Variants in ATG10 observed in about 807,000 individuals in gnomAD.
ATG10 encodes autophagy related 10, also known as ubiquitin-like-conjugating enzyme ATG10.
A neutral mutation model predicts 32.1 loss-of-function variants in ATG10; 30 were observed. The observed-to-expected ratio is 0.94, with a 90% CI of 0.70 to 1.27. The LOEUF (loss-of-function observed/expected upper bound fraction) is 1.27, where lower values mean the gene tolerates loss of function less well. Ranked by LOEUF, ATG10 falls within the 50% of genes most tolerant of loss-of-function variation. ATG10 has a pLI of 0.00. For synonymous variants in ATG10, 87 were observed against 91.5 expected (o/e 0.95, Z 0.28); for missense variants, 233 against 262.3 (o/e 0.89, Z 0.77).
At chr5:82,029,236 A>G (rs1762678432) in intron 2 of ATG10, among the ~76,000 whole-genome samples, 1 of 152,234 alleles carries the variant, frequency 6.6e-6, no homozygotes, top group Non-Finnish European at 1.5e-5. Context: ...AAAGTGATAA[A>G]TATTCTCTAC....
chr5:81,993,369 T>TTTCCTTCTTTC lies in ATG10; in HGVS notation c.108+5693_108+5694insCCTTCTTTCTT, dbSNP rs1554039351. 3.6e-3 allele frequency among the ~76,000 whole-genome samples: 138 copies of TTTCCTTCTTTC among 38,022 alleles called. 1 individual carries two copies. Among genetic ancestry groups the TTTCCTTCTTTC allele is most frequent in the South Asian group, 6.3e-3 (7 of 1,106 alleles). 24.9% of individuals were successfully genotyped at this position (38,022 alleles called of 152,430 possible). A position where few individuals can be genotyped will look rare whatever the true frequency, so the allele number is the denominator to read the frequency against. ...TTTCTTTCTTTCTTTCCTTCTTTTC[T>TTTCCTTCTTTC]TTTCTTTTCTTTTCTTTTCTTTTTT... is the stretch of plus-strand genomic sequence containing the variant. On this transcript the variant is annotated intron_variant, in intron 2 of 7. Transcript: ENST00000282185.
At chr5:82,240,277 C>T (rs2150017693) in intron 5 of ATG10, among the ~76,000 whole-genome samples, 1 of 152,154 alleles carries the variant, frequency 6.6e-6, no homozygotes, top group African/African-American at 2.4e-5. Flanking sequence ...CCTAAGTGTC[C>T]ATAAAGAGAA....
At chr5:82,118,092 TAAG>T (rs1765879238) in intron 3 of ATG10, among the ~76,000 whole-genome samples, 1 of 151,726 alleles carries the variant, frequency 6.6e-6, no homozygotes, top group Non-Finnish European at 1.5e-5. Flanking sequence ...ATGGAACCAG[TAAG>T]AATAGGGAGC....
At chr5:82,123,345 A>G (rs1184589804) in intron 3 of ATG10, among the ~76,000 whole-genome samples, 1 of 152,170 alleles carries the variant, frequency 6.6e-6, no homozygotes, top group Non-Finnish European at 1.5e-5. Context: ...GAAGGGAGCA[A>G]CAGACACTGG....
intron 3 of ATG10, among the ~76,000 whole-genome samples, chr5:82,123,470 T>C (rs1045880402): frequency 6.6e-6 from 1 of 151,500 alleles, no homozygotes; most frequent in African/African-American, 2.4e-5. Context: ...CCGCATGATA[T>C]GAGTTTATCT....
intron 1 of ATG10, among the ~76,000 whole-genome samples, chr5:81,983,622 G>T (rs1267336672): frequency 2.0e-5 from 3 of 148,402 alleles, no homozygotes; most frequent in Non-Finnish European, 4.5e-5. Context: ...CGGACGGGGC[G>T]GCTGGCCGGG....
chr5:82,209,920 C>G (rs1745433920), intron 5 of ATG10, among the ~76,000 whole-genome samples: 1 of 152,100 alleles, frequency 6.6e-6, no homozygotes, highest in Non-Finnish European at 1.5e-5. Context: ...TTTTCCTGAC[C>G]AGTCTTTCAG....
At chr5:82,050,164 G>A (rs1329768333) in intron 2 of ATG10, among the ~76,000 whole-genome samples, 1 of 151,870 alleles carries the variant, frequency 6.6e-6, no homozygotes, top group Non-Finnish European at 1.5e-5. Flanking sequence ...TTCTTTGTAA[G>A]CATATACAGA....
At chr5:82,038,016 CAAAGCAAT>C (rs1038715201) in intron 2 of ATG10, among the ~76,000 whole-genome samples, 5 of 151,810 alleles carry the variant, frequency 3.3e-5, no homozygotes, top group African/African-American at 1.2e-4. Context: ...TTTTGATTGC[CAAAGCAAT>C]AGATTCTGGC....
intron 5 of ATG10, among the ~76,000 whole-genome samples, chr5:82,205,025 G>A (rs1745236984): frequency 6.6e-6 from 1 of 152,218 alleles, no homozygotes; most frequent in African/African-American, 2.4e-5. Flanking sequence ...GACTGCCTGT[G>A]AAAGGTACTA....
At chr5:82,023,765 T>A (rs1170686319) in intron 2 of ATG10, among the ~76,000 whole-genome samples, 6 of 152,214 alleles carry the variant, frequency 3.9e-5, no homozygotes, top group African/African-American at 1.4e-4. Context: ...CGCTGTTTAT[T>A]CTTTTGCACT....
intron 3 of ATG10, among the ~76,000 whole-genome samples, chr5:82,139,920 C>A (rs1428406759): frequency 7.4e-6 from 1 of 135,350 alleles, no homozygotes; most frequent in African/African-American, 2.7e-5. Context: ...TGGCCAGCCG[C>A]CCCATCCGGG....
At chr5:82,223,332 G>A (rs1334280821) in intron 5 of ATG10, among the ~76,000 whole-genome samples, 1 of 152,200 alleles carries the variant, frequency 6.6e-6, no homozygotes. Flanking sequence ...CATATTGTCT[G>A]CATGCCAATG....
chr5:82,155,903 A>G (rs1016610005), intron 3 of ATG10, among the ~76,000 whole-genome samples: 1 of 152,022 alleles, frequency 6.6e-6, no homozygotes, highest in South Asian at 2.1e-4. Flanking sequence ...ATTCCTTTTG[A>G]TTAGGGTTAT....
intron 2 of ATG10, among the ~76,000 whole-genome samples, chr5:82,049,285 A>G (rs1763325352): frequency 6.6e-6 from 1 of 151,924 alleles, no homozygotes. Flanking sequence ...ATTCTCAGTA[A>G]ACCATCGCAA....
At chr5:82,034,327 C>T (rs1003116459) in intron 2 of ATG10, among the ~76,000 whole-genome samples, 3 of 152,236 alleles carry the variant, frequency 2.0e-5, no homozygotes, top group South Asian at 2.1e-4. Context: ...CTCTTACATT[C>T]CATGTTTGAT....
At chr5:82,234,431 G>A (rs140096916) in intron 5 of ATG10, among the ~76,000 whole-genome samples, 4 of 152,114 alleles carry the variant, frequency 2.6e-5, no homozygotes, top group Admixed American at 2.6e-4. Context: ...GGGCTCATCC[G>A]TAAAACCCTG....
chr5:82,015,635 T>C (rs1349264581), intron 2 of ATG10, among the ~76,000 whole-genome samples: 1 of 152,256 alleles, frequency 6.6e-6, no homozygotes, highest in Non-Finnish European at 1.5e-5. Flanking sequence ...CTGAAGCTTG[T>C]GCATTCATCA....
chr5:82,074,292 A>G (rs999052140), intron 3 of ATG10, among the ~76,000 whole-genome samples: 2 of 152,116 alleles, frequency 1.3e-5, no homozygotes, highest in Non-Finnish European at 2.9e-5. Flanking sequence ...ACTTAGAAAA[A>G]CGTAAACGCC....
Sources: allele counts gnomAD v4.1 joint callset (sites outside exome capture counted in the v4.1 genomes callset), GRCh38; gene constraint gnomAD v4.1.1; transcripts MANE v1.5; gene names NCBI Gene and HGNC (gene_info 2026-07-23, HGNC 2026-07-21).